GALNT13: variants seen among roughly 807,000 people sequenced by gnomAD.
GALNT13 encodes the protein UDP-GalNAc:polypeptide N-acetylgalactosaminyltransferase 13.
In GALNT13, 28 loss-of-function variants were observed where a neutral mutation model predicts 64.2. That is an observed-to-expected ratio of 0.44 (90% confidence interval 0.32 to 0.60). The LOEUF is 0.60. Among genes scored for constraint, GALNT13 ranks in the 20% least tolerant of loss-of-function variants. GALNT13 has a pLI of 0.05. For missense variants in GALNT13, 577 were observed against 669.8 expected, an observed-to-expected ratio of 0.86 and a Z score of 1.53; for synonymous variants, 214 against 224.6, an observed-to-expected ratio of 0.95 and a Z score of 0.42.
chr2:154,112,291 C>A (rs1166272553), intron 3 of GALNT13, among the ~76,000 whole-genome samples: 1 of 152,180 alleles, frequency 6.6e-6, no homozygotes, highest in East Asian at 1.9e-4. Context: ...CCACGTATAA[C>A]CTCAGTACCT....
chr2:153,469,967 A>T, the GALNT13 span, among the ~76,000 whole-genome samples: 1 of 152,122 alleles, frequency 6.6e-6, no homozygotes, highest in Admixed American at 6.5e-5. Flanking sequence ...TGTCCAGGGC[A>T]CTTGGAGCTA....
At chr2:153,101,597 A>C in the GALNT13 span, among the ~76,000 whole-genome samples, 1 of 152,192 alleles carries the variant, frequency 6.6e-6, no homozygotes, top group East Asian at 1.9e-4. Context: ...TTTTGCTCTC[A>C]GCAATTAAAA....
the GALNT13 span, among the ~76,000 whole-genome samples, chr2:153,082,674 A>T: frequency 3.2e-5 from 4 of 126,540 alleles, no homozygotes; most frequent in Non-Finnish European, 6.6e-5. Context: ...CATATATATA[A>T]TTTATTAAAT....
chr2:153,779,228 C>T, the GALNT13 span, among the ~76,000 whole-genome samples: 1 of 151,750 alleles, frequency 6.6e-6, no homozygotes, highest in Admixed American at 6.6e-5. Context: ...CATATAATTT[C>T]ATTTATGCTA....
chr2:153,483,503 G>A, the GALNT13 span, among the ~76,000 whole-genome samples: 1 of 139,340 alleles, frequency 7.2e-6, no homozygotes, highest in Non-Finnish European at 1.5e-5. Flanking sequence ...CGCAACCTCT[G>A]CCTCCAGGGT....
the GALNT13 span, among the ~76,000 whole-genome samples, chr2:153,689,111 G>C: frequency 7.7e-6 from 1 of 129,212 alleles, no homozygotes; most frequent in Admixed American, 7.8e-5. Flanking sequence ...TTTAGCGTTA[G>C]TAGATATTGC....
chr2:153,296,364 T>A, the GALNT13 span, among the ~76,000 whole-genome samples: 1 of 152,306 alleles, frequency 6.6e-6, no homozygotes, highest in Non-Finnish European at 1.5e-5. Context: ...ATACTTCTGA[T>A]AATTGGCACC....
At chr2:153,731,499 ATAATATAATAATAATGTG>A in the GALNT13 span, among the ~76,000 whole-genome samples, 1 of 151,850 alleles carries the variant, frequency 6.6e-6, no homozygotes, top group Non-Finnish European at 1.5e-5. Flanking sequence ...TCTATTACTG[ATAATATAATAATAATGTG>A]TAGTGTCCAT....
the GALNT13 span, among the ~76,000 whole-genome samples, chr2:153,711,767 A>G: frequency 6.6e-6 from 1 of 152,170 alleles, no homozygotes; most frequent in South Asian, 2.1e-4. Flanking sequence ...ATGCAAGTTA[A>G]TAAGGGTCCA....
chr2:153,338,859 A>C, the GALNT13 span, among the ~76,000 whole-genome samples: 8 of 152,202 alleles, frequency 5.3e-5, no homozygotes, highest in Non-Finnish European at 8.8e-5. Context: ...AGATTCCACA[A>C]ATAAGTAAAA....
the GALNT13 span, among the ~76,000 whole-genome samples, chr2:153,718,439 T>G: frequency 6.6e-6 from 1 of 152,032 alleles, no homozygotes; most frequent in East Asian, 1.9e-4. Flanking sequence ...TGTTTTTGTT[T>G]TGTTTTGTTT....
At chr2:154,288,719 C>T (rs1395817118) in intron 8 of GALNT13, among the ~76,000 whole-genome samples, 2 of 152,214 alleles carry the variant, frequency 1.3e-5, no homozygotes, top group African/African-American at 2.4e-5. Context: ...TATCTCACAT[C>T]CAGGTCTTGC....
the GALNT13 span, among the ~76,000 whole-genome samples, chr2:153,288,758 G>A: frequency 6.6e-6 from 1 of 152,130 alleles, no homozygotes; most frequent in African/African-American, 2.4e-5. Context: ...TTTATCATAG[G>A]TATGCATGTA....
the GALNT13 span, among the ~76,000 whole-genome samples, chr2:153,808,473 C>T: frequency 1.3e-5 from 2 of 151,996 alleles, no homozygotes; most frequent in Non-Finnish European, 2.9e-5. Flanking sequence ...CTCCTTTTTG[C>T]TGTCATCTAA....
chr2:154,306,303 C>G (rs1042667163), intron 9 of GALNT13, among the ~76,000 whole-genome samples: 1 of 151,962 alleles, frequency 6.6e-6, no homozygotes. Flanking sequence ...CCTCCCCTAA[C>G]CCCCAACCCC....
the GALNT13 span, among the ~76,000 whole-genome samples, chr2:153,254,456 G>T: frequency 4.6e-5 from 7 of 152,152 alleles, no homozygotes; most frequent in African/African-American, 1.4e-4. Context: ...GGTTTTTTGT[G>T]TCTCTATTTC....
the GALNT13 span, among the ~76,000 whole-genome samples, chr2:153,773,083 G>T: frequency 6.6e-6 from 1 of 152,234 alleles, no homozygotes. Flanking sequence ...AGTTGCCCCT[G>T]ATTGGACCTG....
intron 8 of GALNT13, among the ~76,000 whole-genome samples, chr2:154,297,045 AT>A (rs997536868): frequency 2.6e-5 from 4 of 152,206 alleles, no homozygotes; most frequent in African/African-American, 9.7e-5. Flanking sequence ...TTATTCTAGA[AT>A]GTGGCAGAAG....
intron 4 of GALNT13, among the ~76,000 whole-genome samples, chr2:154,204,350 A>G (rs1356947836): frequency 6.6e-6 from 1 of 152,194 alleles, no homozygotes; most frequent in Non-Finnish European, 1.5e-5. Flanking sequence ...TTATTACTAT[A>G]TTTCTAAATC....
Sources: allele counts gnomAD v4.1 joint callset (sites outside exome capture counted in the v4.1 genomes callset), GRCh38; gene constraint gnomAD v4.1.1; transcripts MANE v1.5; gene names NCBI Gene and HGNC (gene_info 2026-07-23, HGNC 2026-07-21).